ZFAND3: variants seen among roughly 807,000 people sequenced by gnomAD.
ZFAND3 encodes AN1-type zinc finger protein 3.
Under a neutral mutation model 29.6 loss-of-function variants are expected in ZFAND3, and 10 were observed. That is an observed-to-expected ratio of 0.34 (90% CI 0.21 to 0.57). The LOEUF (loss-of-function observed/expected upper bound fraction) is 0.57, where lower values mean the gene tolerates loss of function less well. Among genes scored for constraint, ZFAND3 ranks in the 20% least tolerant of loss-of-function variants. The probability of loss-of-function intolerance (pLI) is 0.86; values close to 1 mark genes in which losing one functional copy is unlikely to be tolerated. For synonymous variants in ZFAND3, 128 were observed against 112.6 expected, an observed-to-expected ratio of 1.14 and a Z score of -0.87; for missense variants, 230 against 304.5, an observed-to-expected ratio of 0.76 and a Z score of 1.82.
intron 1 of ZFAND3, among the ~76,000 whole-genome samples, chr6:37,826,220 A>G (rs1451369215): frequency 6.6e-6 from 1 of 151,652 alleles, no homozygotes; most frequent in Non-Finnish European, 1.5e-5. Context: ...AAAATCATCC[A>G]GATTCTGGCT....
At position 37,939,800 on chromosome 6, in the gene ZFAND3, G is replaced by A. The variant is rs533581782; in HGVS notation, c.112+9801G>A. On this transcript the variant is annotated intron_variant, in intron 2 of 5. Coordinates refer to ENST00000287218, the MANE Select transcript of ZFAND3 (RefSeq NM_021943.3). Reference sequence around the variant, plus strand: ...CTCACACCTGTAATCCCAACACTTCGGGAGGCTTAGGCGGGCGGATCACGA... The same window carrying A: ...CTCACACCTGTAATCCCAACACTTCAGGAGGCTTAGGCGGGCGGATCACGA... 8.5e-5 allele frequency among the ~76,000 whole-genome samples: 13 copies of A among 152,192 alleles called. No individual in the cohort carries two copies. In the South Asian group the frequency reaches 1.9e-3, roughly 22 times the overall value.
chr6:37,964,641 C>T (rs1313172690), intron 2 of ZFAND3, among the ~76,000 whole-genome samples: 1 of 152,204 alleles, frequency 6.6e-6, no homozygotes, highest in Non-Finnish European at 1.5e-5. Context: ...AAGTAGACTA[C>T]TCTCTTATAT....
At chr6:38,022,901 C>T (rs1763377553) in intron 2 of ZFAND3, among the ~76,000 whole-genome samples, 1 of 152,172 alleles carries the variant, frequency 6.6e-6, no homozygotes, top group South Asian at 2.1e-4. Context: ...ATAGTTCAGC[C>T]ACTAGCTGTC....
intron 2 of ZFAND3, among the ~76,000 whole-genome samples, chr6:38,050,867 A>C (rs1293859942): frequency 1.3e-5 from 2 of 152,208 alleles, no homozygotes; most frequent in East Asian, 3.8e-4. Flanking sequence ...CTCAAAAGTT[A>C]ATATCACCAC....
At chr6:37,853,039 G>A (rs182443428) in intron 1 of ZFAND3, among the ~76,000 whole-genome samples, 6 of 152,234 alleles carry the variant, frequency 3.9e-5, no homozygotes, top group Non-Finnish European at 5.9e-5. Flanking sequence ...AGCTGATTGC[G>A]ACTGGTGCCC....
At position 37,884,253 on chromosome 6, in the gene ZFAND3, G is replaced by A. The variant is rs761528033; in HGVS notation, c.72-45706G>A. ...TCACGCCTGTAATCCCAGCACTTTG[G>A]GCGGCTGAGGTGGGTGGATCACCTG... On this transcript the variant is annotated intron_variant, in intron 1 of 5. Coordinates refer to ENST00000287218, the MANE Select transcript of ZFAND3 (RefSeq NM_021943.3). Among the ~76,000 whole-genome samples the A allele has an allele frequency of 6.9e-5, 10 of 144,712 alleles. 1 individual carries two copies. The highest frequency in any genetic ancestry group is 1.4e-4 in the African/African-American group (5 of 35,692). 94.9% of individuals were successfully genotyped at this position (144,712 alleles called of 152,430 possible).
rs191327820 is a variant in ZFAND3, at chr6:38,143,450, T to C, written c.530-8785T>C. Among the ~76,000 whole-genome samples, 648 of 152,384 alleles carry C rather than the reference T, an allele frequency of 4.3e-3. 2 individuals are homozygous for C. The highest frequency in any genetic ancestry group is 7.5e-3 in the Non-Finnish European group (510 of 68,036). On this transcript the variant is annotated intron_variant, in intron 5 of 5. Coordinates refer to ENST00000287218, the MANE Select transcript of ZFAND3 (RefSeq NM_021943.3). The stretch of plus-strand genomic sequence containing the variant: ...CTGCACACAGCTGCCTTATGAGTTC[T>C]TTGCACAAGGCTTTTGTATCTTTGC...
At chr6:38,021,913 GTATT>G (rs1183548235) in intron 2 of ZFAND3, among the ~76,000 whole-genome samples, 1 of 152,164 alleles carries the variant, frequency 6.6e-6, no homozygotes, top group Non-Finnish European at 1.5e-5. Flanking sequence ...GCTTAGATGA[GTATT>G]TAGGAGACCA....
At chr6:38,000,212 A>G (rs562810820) in intron 2 of ZFAND3, among the ~76,000 whole-genome samples, 34 of 152,294 alleles carry the variant, frequency 2.2e-4, no homozygotes, top group African/African-American at 7.9e-4. Flanking sequence ...TTGATCTCAG[A>G]TTGATATTGA....
intron 4 of ZFAND3, among the ~76,000 whole-genome samples, chr6:38,108,381 G>A (rs888654253): frequency 6.6e-6 from 1 of 152,158 alleles, no homozygotes; most frequent in Non-Finnish European, 1.5e-5. Context: ...TCCATGATAA[G>A]CCTTCCGTAA....
chr6:38,026,806 A>T (rs1763459030), intron 2 of ZFAND3, among the ~76,000 whole-genome samples: 2 of 147,556 alleles, frequency 1.4e-5, no homozygotes, highest in Non-Finnish European at 3.0e-5. Context: ...AGAGAGAGAG[A>T]GAGAGTGTAA....
At position 38,152,283 on chromosome 6, in the gene ZFAND3, C is replaced by T. The variant is rs1300542897; in HGVS notation, c.578C>T (p.Thr193Ile). Residue 193 changes from threonine to isoleucine, a missense_variant, in exon 6 of 6, where the codon ACA (threonine) becomes ATA (isoleucine). Transcript: ENST00000287218. The part of the protein sequence containing the change: ...LHRLPEQHDC[T>I]FDHMGRGREE... The stretch of plus-strand genomic sequence containing the variant: ...CGCCTCCCCGAGCAGCACGACTGCA[C>T]ATTCGACCACATGGGCCGTGGCCGG... 5 of 1,605,556 alleles carry T rather than the reference C, an allele frequency of 3.1e-6. No homozygotes were observed. The highest frequency in any genetic ancestry group is 4.2e-6 in the Non-Finnish European group (5 of 1,176,474).
At chr6:38,136,655 G>A (rs1010951821) in intron 5 of ZFAND3, among the ~76,000 whole-genome samples, 2 of 152,234 alleles carry the variant, frequency 1.3e-5, no homozygotes, top group African/African-American at 4.8e-5. Context: ...GATGGGTCCT[G>A]TGGGTCCAGG....
chr6:37,850,804 G>T (rs1208128705), intron 1 of ZFAND3, among the ~76,000 whole-genome samples: 3 of 152,118 alleles, frequency 2.0e-5, no homozygotes, highest in African/African-American at 7.2e-5. Context: ...TTGCTATGTT[G>T]CCAAGGCTGG....
chr6:37,833,860 A>G (rs926048942), intron 1 of ZFAND3, among the ~76,000 whole-genome samples: 1 of 151,946 alleles, frequency 6.6e-6, no homozygotes, highest in Non-Finnish European at 1.5e-5. Context: ...CATTTTTGAA[A>G]AGGAGTTTCA....
At chr6:37,865,203 A>G (rs1764567437) in intron 1 of ZFAND3, among the ~76,000 whole-genome samples, 1 of 152,192 alleles carries the variant, frequency 6.6e-6, no homozygotes, top group Admixed American at 6.5e-5. Context: ...TAAAAACTTT[A>G]GTATTTCCAT....
chr6:38,143,665 A>G (rs750746057), intron 5 of ZFAND3, among the ~76,000 whole-genome samples: 1 of 152,228 alleles, frequency 6.6e-6, no homozygotes, highest in Non-Finnish European at 1.5e-5. Flanking sequence ...TGAAAAGCAG[A>G]CAGACTGATG....
chr6:37,931,969 A>G lies in ZFAND3; in HGVS notation c.112+1970A>G, dbSNP rs185232468. 2.5e-3 allele frequency among the ~76,000 whole-genome samples: 387 copies of G among 152,270 alleles called. 2 individuals carry two copies. Among genetic ancestry groups the G allele is most frequent in the African/African-American group, 9.1e-3 (378 of 41,560 alleles). On this transcript the variant is annotated intron_variant, in intron 2 of 5. Coordinates refer to ENST00000287218, the MANE Select transcript of ZFAND3 (RefSeq NM_021943.3). ...TTCAGCTTTTAGCAGTATTTGTGCCATGTTAAAGGACTGTATTCAGGCCGG... is the reference window on the plus strand; with the variant it reads ...TTCAGCTTTTAGCAGTATTTGTGCCGTGTTAAAGGACTGTATTCAGGCCGG...
At chr6:38,109,772 G>A (rs1373788772) in intron 4 of ZFAND3, among the ~76,000 whole-genome samples, 1 of 152,280 alleles carries the variant, frequency 6.6e-6, no homozygotes, top group East Asian at 1.9e-4. Context: ...ACTTCTGTGT[G>A]TTCTGCGGCT....
Sources: gnomAD v4.1 joint callset for allele counts (sites outside exome capture counted in the v4.1 genomes callset) on GRCh38, gnomAD v4.1.1 for gene constraint, MANE v1.5 for transcripts, NCBI Gene and HGNC (gene_info 2026-07-23, HGNC 2026-07-21) for gene names.